SKAP2: variants seen among roughly 807,000 people sequenced by gnomAD.
SKAP2 encodes src kinase-associated phosphoprotein 2.
A neutral mutation model predicts 54.9 loss-of-function variants in SKAP2; 28 were observed. The observed-to-expected ratio is 0.51, with a 90% CI of 0.38 to 0.70. The LOEUF is 0.70. Among genes scored for constraint, SKAP2 ranks in the 30% least tolerant of loss-of-function variants. The pLI is 0.00. For synonymous variants in SKAP2, 137 were observed against 134.3 expected, an observed-to-expected ratio of 1.02 and a Z score of -0.14; for missense variants, 356 against 424.1, an observed-to-expected ratio of 0.84 and a Z score of 1.41.
intron 1 of SKAP2, among the ~76,000 whole-genome samples, chr7:26,862,266 A>C (rs1785286532): frequency 6.6e-6 from 1 of 152,070 alleles, no homozygotes; most frequent in Non-Finnish European, 1.5e-5. Flanking sequence ...TACCTCAAAA[A>C]AGATTTTAAT....
rs551847246 is a variant in SKAP2 at position 26,767,710 on chromosome 7, C to T, written c.308-27746G>A. Among the ~76,000 whole-genome samples the T allele has an allele frequency of 2.3e-4, 35 of 152,210 alleles. 1 individual carries two copies. The South Asian group carries it at 2.7e-3, about 12-fold the overall frequency. ...AACTTATTTATTTCTGCCTTAATTT[C>T]GTTATTTACCCAGTAGTCATTCAGG... On this transcript the variant is annotated intron_variant, in intron 4 of 12. Coordinates refer to ENST00000345317, the MANE Select transcript of SKAP2 (RefSeq NM_003930.5).
chr7:26,739,736 T>A, intron 5 of SKAP2, 151 bp downstream of exon 5: 1 of 571,214 alleles, frequency 1.8e-6, no homozygotes. Context: ...GAGCTATATT[T>A]TGTGGTTTGG....
downstream of SKAP2, among the ~76,000 whole-genome samples, chr7:26,662,522 C>T (rs142357574): frequency 1.5e-3 from 231 of 152,184 alleles, 1 homozygote; most frequent in African/African-American, 5.3e-3. Context: ...CTATCTTATT[C>T]AGACTATGAA....
chr7:26,722,700 C>A (rs372242464), intron 9 of SKAP2, among the ~76,000 whole-genome samples: 4 of 152,102 alleles, frequency 2.6e-5, no homozygotes, highest in South Asian at 4.1e-4. Flanking sequence ...TGAGCCACTG[C>A]GCCCAGCCCA....
At chr7:26,718,385 T>C (rs898706807) in intron 9 of SKAP2, among the ~76,000 whole-genome samples, 1 of 152,080 alleles carries the variant, frequency 6.6e-6, no homozygotes, top group African/African-American at 2.4e-5. Flanking sequence ...TTAAAACTTT[T>C]ATATGTATAT....
chr7:26,709,802 T>C (rs1331941263), intron 9 of SKAP2, among the ~76,000 whole-genome samples: 1 of 152,168 alleles, frequency 6.6e-6, no homozygotes, highest in Non-Finnish European at 1.5e-5. Context: ...ATGACTAGCC[T>C]GCCATAGGGA....
chr7:26,723,540 G>T (rs1215792701), intron 9 of SKAP2, among the ~76,000 whole-genome samples: 2 of 152,124 alleles, frequency 1.3e-5, no homozygotes, highest in East Asian at 1.9e-4. Context: ...ACAATTATGT[G>T]TGAGGGTGGG....
Position 26,738,855 on chromosome 7 carries a change from A to G in SKAP2, c.409T>C (p.Trp137Arg). 6.2e-7 allele frequency: 1 copy of G among 1,607,002 alleles called. No individual in the cohort carries two copies. Among genetic ancestry groups the G allele is most frequent in the Non-Finnish European group, 8.5e-7 (1 of 1,173,716 alleles). The part of the protein sequence containing the change: ...RKDHSFLGFE[W>R]QKRWCALSKT... Reference sequence around the variant, plus strand: ...CTGAGAGCACACCACCGTTTCTGCCATTCAAATCCCAGAAAGCTGTGATCT... The same window carrying G: ...CTGAGAGCACACCACCGTTTCTGCCGTTCAAATCCCAGAAAGCTGTGATCT... The change falls in exon 6 of 13, where the codon TGG (tryptophan) becomes CGG (arginine). Residue 137 changes from tryptophan (W) to arginine (R), a missense_variant. Transcript: ENST00000345317.
chr7:26,781,161 G>A (rs1304277538), intron 4 of SKAP2, among the ~76,000 whole-genome samples: 4 of 152,064 alleles, frequency 2.6e-5, no homozygotes, highest in African/African-American at 7.2e-5. Context: ...GACAAAGATG[G>A]AAGCTTATCC....
chr7:26,760,385 T>C (rs978279127), intron 4 of SKAP2, among the ~76,000 whole-genome samples: 1 of 152,172 alleles, frequency 6.6e-6, no homozygotes, highest in African/African-American at 2.4e-5. Flanking sequence ...TTTATATATA[T>C]AACTTCTGGT....
intron 9 of SKAP2, among the ~76,000 whole-genome samples, chr7:26,697,916 T>C (rs954965366): frequency 1.3e-5 from 2 of 152,242 alleles, no homozygotes; most frequent in African/African-American, 4.8e-5. Context: ...ATGCATTTCA[T>C]TGTAAACTGT....
intron 4 of SKAP2, among the ~76,000 whole-genome samples, chr7:26,797,616 A>G (rs943910698): frequency 6.6e-6 from 1 of 152,154 alleles, no homozygotes; most frequent in African/African-American, 2.4e-5. Flanking sequence ...ATGGCCAGAT[A>G]CTGAAGAACA....
intron 4 of SKAP2, among the ~76,000 whole-genome samples, chr7:26,772,403 C>G (rs928937796): frequency 2.0e-5 from 3 of 152,044 alleles, no homozygotes; most frequent in Non-Finnish European, 2.9e-5. Flanking sequence ...TCAAGTAGGC[C>G]CCACTGTCTC....
chr7:26,661,864 A>G, the SKAP2 span, among the ~76,000 whole-genome samples: 3 of 152,160 alleles, frequency 2.0e-5, no homozygotes, highest in Non-Finnish European at 1.5e-5. Flanking sequence ...CAGGAAAGCC[A>G]TGTTTGACGC....
chr7:26,747,452 TA>T (rs766003488), intron 4 of SKAP2, among the ~76,000 whole-genome samples: 114 of 152,234 alleles, frequency 7.5e-4, no homozygotes, highest in Admixed American at 2.1e-3. Flanking sequence ...TAACATCTGC[TA>T]ATCTCCTCCC....
At chr7:26,818,290 T>C (rs1226220268) in intron 4 of SKAP2, among the ~76,000 whole-genome samples, 1 of 152,152 alleles carries the variant, frequency 6.6e-6, no homozygotes, top group Admixed American at 6.5e-5. Context: ...GCCACACATC[T>C]ACAACCATCT....
intron 1 of SKAP2, among the ~76,000 whole-genome samples, chr7:26,864,055 T>TCACACACTCACA (rs1554310124): frequency 2.1e-5 from 3 of 143,332 alleles, no homozygotes; most frequent in African/African-American, 7.9e-5. Context: ...CGCCCTTCTG[T>TCACACACTCACA]CACACACACA....
At chr7:26,662,940 G>A (rs1457411832), downstream of SKAP2, among the ~76,000 whole-genome samples, 1 of 152,056 alleles carries the variant, frequency 6.6e-6, no homozygotes, top group Non-Finnish European at 1.5e-5. Context: ...GGAAAGTGGC[G>A]CAAGGAGATG....
intron 6 of SKAP2, among the ~76,000 whole-genome samples, chr7:26,736,556 C>G (rs1787947783): frequency 6.6e-6 from 1 of 152,194 alleles, no homozygotes; most frequent in East Asian, 1.9e-4. Context: ...AGCTGAGCAG[C>G]CTATGCTCTG....
Sources: gnomAD v4.1 joint callset for allele counts (sites outside exome capture counted in the v4.1 genomes callset) on GRCh38, gnomAD v4.1.1 for gene constraint, MANE v1.5 for transcripts, NCBI Gene and HGNC (gene_info 2026-07-23, HGNC 2026-07-21) for gene names.